Variants in USH2A observed in about 807,000 individuals in gnomAD.
USH2A encodes the protein usherin.
Under a neutral mutation model 538.9 loss-of-function variants are expected in USH2A, and 443 were observed. The ratio of observed to expected loss-of-function variants is 0.82; its 90% CI spans 0.76 to 0.89. The LOEUF (loss-of-function observed/expected upper bound fraction) is 0.89, where lower values mean the gene tolerates loss of function less well. Among genes scored for constraint, USH2A ranks in the 40% least tolerant of loss-of-function variants. The pLI, the probability that USH2A is intolerant of heterozygous loss-of-function variation, is 0.00. For missense variants in USH2A, 6,633 were observed against 6,324.8 expected, an observed-to-expected ratio of 1.05 and a Z score of -1.65; for synonymous variants, 2,413 against 2,273.5, an observed-to-expected ratio of 1.06 and a Z score of -1.75.
intron 8 of USH2A, among the ~76,000 whole-genome samples, chr1:216,322,377 T>G (rs1028754298): frequency 6.6e-6 from 1 of 151,630 alleles, no homozygotes; most frequent in Non-Finnish European, 1.5e-5. Flanking sequence ...CTCAGGCGGG[T>G]AGATCACTTG....
chr1:216,236,003 A>G (rs2035806570), intron 13 of USH2A, among the ~76,000 whole-genome samples: 1 of 152,130 alleles, frequency 6.6e-6, no homozygotes, highest in Non-Finnish European at 1.5e-5. Context: ...ATAGTTGATG[A>G]TGGTAGTTTT....
chr1:216,064,521 T>C (rs1484833899), intron 30 of USH2A, among the ~76,000 whole-genome samples: 2 of 151,742 alleles, frequency 1.3e-5, no homozygotes, highest in South Asian at 2.1e-4. Flanking sequence ...TTTAATTTTC[T>C]CATCAAACTT....
chr1:216,239,264 G>A (rs1175926655), intron 13 of USH2A, among the ~76,000 whole-genome samples: 2 of 152,088 alleles, frequency 1.3e-5, no homozygotes, highest in Non-Finnish European at 2.9e-5. Context: ...TGATACTTAG[G>A]TCACTGTTAT....
At chr1:215,806,073 T>G (rs1382475026) in intron 49 of USH2A, among the ~76,000 whole-genome samples, 2 of 147,886 alleles carry the variant, frequency 1.4e-5, no homozygotes, top group African/African-American at 5.0e-5. Context: ...GCCCTTGACA[T>G]AGAAAGTGAG....
In USH2A at chr1:215,671,272, C is replaced by T. The variant is rs760266483; in HGVS notation, c.13833G>A (p.Ala4611=). Reference sequence around the variant, plus strand: ...TTGATGCACATCCCAGGGTGGTGCACGCTTGAATTCGTATTTCATACCTTC... The same window carrying T: ...TTGATGCACATCCCAGGGTGGTGCATGCTTGAATTCGTATTTCATACCTTC... ...PFHRYEIRIQ[A]CTTLGCASSD... Residue 4611 remains alanine, a synonymous_variant, in exon 64 of 72, where the codon GCG becomes GCA. Transcript: ENST00000307340. 16 of 1,613,690 alleles carry T rather than the reference C, an allele frequency of 9.9e-6. No homozygotes were observed. The East Asian group carries it at 1.1e-4, about 11-fold the overall frequency.
chr1:216,365,151 C>A, intron 3 of USH2A, 66 bp from the exon 4 acceptor site: 1 of 1,543,804 alleles, frequency 6.5e-7, no homozygotes, highest in Non-Finnish European at 8.7e-7. Flanking sequence ...AAACACATTT[C>A]AGCAGTTTTT....
intron 4 of USH2A, among the ~76,000 whole-genome samples, chr1:216,335,222 A>C (rs1571713548): frequency 6.6e-6 from 1 of 151,848 alleles, no homozygotes; most frequent in East Asian, 1.9e-4. Flanking sequence ...AATTACAAAA[A>C]GATTTAAAAA....
At chr1:215,928,217 G>A (rs576416532) in intron 38 of USH2A, among the ~76,000 whole-genome samples, 46 of 152,082 alleles carry the variant, frequency 3.0e-4, no homozygotes, top group African/African-American at 1.1e-3. Context: ...CTTATAAGAA[G>A]AGATCAGAAT....
chr1:215,694,200 G>A (rs1052853426), intron 61 of USH2A, among the ~76,000 whole-genome samples: 7 of 152,068 alleles, frequency 4.6e-5, no homozygotes, highest in African/African-American at 1.7e-4. Context: ...TACCAGAATC[G>A]CAAATGAATT....
At chr1:215,863,625 G>A (rs2102437310) in intron 44 of USH2A, among the ~76,000 whole-genome samples, 1 of 151,990 alleles carries the variant, frequency 6.6e-6, no homozygotes, top group East Asian at 2.0e-4. Flanking sequence ...ATGTATCTGT[G>A]AGGAAGGAAG....
intron 16 of USH2A, chr1:216,201,559 C>T (rs1291086287): frequency 1.3e-5 from 2 of 153,266 alleles, no homozygotes; most frequent in East Asian, 1.9e-4. Context: ...AGCAATCCGC[C>T]CACCTCAGCT....
intron 21 of USH2A, among the ~76,000 whole-genome samples, chr1:216,153,137 C>G (rs1490089467): frequency 6.6e-6 from 1 of 152,158 alleles, no homozygotes; most frequent in Non-Finnish European, 1.5e-5. Context: ...ATAAAATCCC[C>G]CACATTTACC....
intron 67 of USH2A, among the ~76,000 whole-genome samples, chr1:215,643,720 G>A (rs949316349): frequency 6.6e-6 from 1 of 151,974 alleles, no homozygotes; most frequent in African/African-American, 2.4e-5. Context: ...GTAGAGATAG[G>A]TGTCTTGATA....
intron 61 of USH2A, among the ~76,000 whole-genome samples, chr1:215,691,521 C>T (rs1658611370): frequency 6.6e-6 from 1 of 152,208 alleles, no homozygotes; most frequent in South Asian, 2.1e-4. Context: ...AGCTCATCTT[C>T]TCAATGAGCC....
intron 29 of USH2A, among the ~76,000 whole-genome samples, chr1:216,072,258 G>T (rs929562076): frequency 1.3e-5 from 2 of 152,204 alleles, no homozygotes; most frequent in African/African-American, 4.8e-5. Flanking sequence ...TTTGGGAAAA[G>T]ATTTTGTGGC....
chr1:215,845,037 A>G (rs1462683583), intron 45 of USH2A, among the ~76,000 whole-genome samples: 1 of 152,226 alleles, frequency 6.6e-6, no homozygotes, highest in Non-Finnish European at 1.5e-5. Flanking sequence ...GAAATCTAAC[A>G]TAAGAAAAAA....
chr1:215,780,193 T>C (rs2102760932), intron 54 of USH2A, 152 bp from the exon 55 acceptor site: 6 of 852,426 alleles, frequency 7.0e-6, no homozygotes, highest in African/African-American at 1.7e-5. Flanking sequence ...TTCATTTTTT[T>C]CCCTCCCAAC....
chr1:215,806,126 G>C (rs1662495053), intron 49 of USH2A, among the ~76,000 whole-genome samples: 1 of 152,056 alleles, frequency 6.6e-6, no homozygotes, highest in Admixed American at 6.6e-5. Context: ...GATACTGGTG[G>C]TAGGTATATT....
Position 215,675,338 on chromosome 1 carries a change from A to G in USH2A, c.12573T>C (p.Ile4191=). The change falls in exon 63 of 72, where the codon ATT becomes ATC. Residue 4191 remains isoleucine, a synonymous_variant. Transcript: ENST00000307340. The part of the protein sequence containing the change: ...PNGKIIRYEV[I]RRCFEGKAWG... ...AAGCTTTTCCCTCGAAGCATCTGCGAATCACTTCATAGCGAATTATTTTTC... is the reference window on the plus strand; with the variant it reads ...AAGCTTTTCCCTCGAAGCATCTGCGGATCACTTCATAGCGAATTATTTTTC... 4 of 1,614,124 alleles carry G rather than the reference A, an allele frequency of 2.5e-6. No individual in the cohort carries two copies. Among genetic ancestry groups the G allele is most frequent in the Non-Finnish European group, 3.4e-6 (4 of 1,180,032 alleles).
Sources: allele counts gnomAD v4.1 joint callset (sites outside exome capture counted in the v4.1 genomes callset), GRCh38; gene constraint gnomAD v4.1.1; transcripts MANE v1.5; gene names NCBI Gene and HGNC (gene_info 2026-07-23, HGNC 2026-07-21).